Variants in NTM observed in about 807,000 individuals in gnomAD.
NTM encodes the protein neurotrimin, also known as IgLON family member 2.
NTM carries 13 observed loss-of-function variants against 42.1 expected under a neutral mutation model. That is an observed-to-expected ratio of 0.31 (90% CI 0.20 to 0.49). The LOEUF (loss-of-function observed/expected upper bound fraction) is 0.49, where lower values mean the gene tolerates loss of function less well. Ranked by LOEUF, NTM falls within the 20% of genes least tolerant of loss-of-function variation. The pLI is 0.99. For synonymous variants in NTM, 187 were observed against 179.2 expected (o/e 1.04, Z -0.35); for missense variants, 373 against 452.8 (o/e 0.82, Z 1.60).
At chr11:131,643,748 G>A (rs574754181) in intron 1 of NTM, among the ~76,000 whole-genome samples, 12 of 152,248 alleles carry the variant, frequency 7.9e-5, no homozygotes, top group African/African-American at 2.4e-4. Flanking sequence ...GTGCAGAAAC[G>A]TGTGCTGCCA....
At chr11:132,104,779 C>G (rs1016942630) in intron 2 of NTM, among the ~76,000 whole-genome samples, 1 of 148,956 alleles carries the variant, frequency 6.7e-6, no homozygotes, top group Non-Finnish European at 1.5e-5. Context: ...GTGGTACATG[C>G]CTGTAGTTCC....
chr11:132,138,606 C>CTATCTA (rs1555280030), intron 2 of NTM, among the ~76,000 whole-genome samples: 20 of 58,444 alleles, frequency 3.4e-4, no homozygotes, highest in African/African-American at 8.2e-4. Context: ...ATCTATCTAT[C>CTATCTA]TATCTATCTA....
At chr11:131,497,850 T>C (rs2136337831) in intron 1 of NTM, among the ~76,000 whole-genome samples, 1 of 152,278 alleles carries the variant, frequency 6.6e-6, no homozygotes, top group Non-Finnish European at 1.5e-5. Context: ...CTGTCCTTAG[T>C]CATCCTTAGT....
intron 2 of NTM, among the ~76,000 whole-genome samples, chr11:132,124,991 C>T (rs2136977928): frequency 6.6e-6 from 1 of 152,246 alleles, no homozygotes; most frequent in South Asian, 2.1e-4. Flanking sequence ...GCATGACATC[C>T]ATCTCCAAAT....
chr11:132,289,471 C>T (rs566749384), intron 4 of NTM, among the ~76,000 whole-genome samples: 5 of 152,224 alleles, frequency 3.3e-5, no homozygotes, highest in South Asian at 4.1e-4. Context: ...TCCTTCTCTC[C>T]GTGATTTCCC....
At chr11:132,161,729 C>T (rs192948755) in intron 3 of NTM, among the ~76,000 whole-genome samples, 1 of 152,176 alleles carries the variant, frequency 6.6e-6, no homozygotes, top group Non-Finnish European at 1.5e-5. Flanking sequence ...CAGCCCTGTG[C>T]ACCCAGACTG....
intron 1 of NTM, among the ~76,000 whole-genome samples, chr11:131,439,301 G>A (rs1949407870): frequency 6.6e-6 from 1 of 152,196 alleles, no homozygotes; most frequent in African/African-American, 2.4e-5. Flanking sequence ...CGTTCTCCAA[G>A]CTCAAACACC....
chr11:132,008,935 G>A (rs55682898), intron 2 of NTM, among the ~76,000 whole-genome samples: 1,522 of 151,058 alleles, frequency 0.01, 21 homozygotes, highest in African/African-American at 0.033. Context: ...GCGAATGAAG[G>A]TAACAAAATG....
intron 1 of NTM, among the ~76,000 whole-genome samples, chr11:131,544,615 CATCTT>C (rs1181831317): frequency 6.6e-6 from 1 of 152,180 alleles, no homozygotes; most frequent in Non-Finnish European, 1.5e-5. Flanking sequence ...TAGGATATCT[CATCTT>C]GGAATGTTTT....
chr11:131,710,080 G>A (rs2076966396), intron 1 of NTM, among the ~76,000 whole-genome samples: 3 of 152,162 alleles, frequency 2.0e-5, no homozygotes, highest in Admixed American at 2.0e-4. Context: ...CAATGTGAGT[G>A]CACTGGTGGG....
chr11:131,449,255 G>C (rs991807956), intron 1 of NTM, among the ~76,000 whole-genome samples: 1 of 152,194 alleles, frequency 6.6e-6, no homozygotes, highest in Non-Finnish European at 1.5e-5. Context: ...GGGGACTGCT[G>C]GCTGTAGGCG....
intron 1 of NTM, among the ~76,000 whole-genome samples, chr11:131,725,895 GCCT>G (rs2078909475): frequency 6.6e-6 from 1 of 152,138 alleles, no homozygotes; most frequent in South Asian, 2.1e-4. Flanking sequence ...GAGTGTTGAG[GCCT>G]CTCGCTAGAT....
At chr11:131,712,434 C>A (rs1432264094) in intron 1 of NTM, among the ~76,000 whole-genome samples, 2 of 151,974 alleles carry the variant, frequency 1.3e-5, no homozygotes, top group Non-Finnish European at 2.9e-5. Context: ...TATACATACA[C>A]TAGAGATAAA....
intron 1 of NTM, among the ~76,000 whole-genome samples, chr11:131,903,957 GACAA>G (rs371693884): frequency 9.2e-5 from 14 of 151,498 alleles, no homozygotes; most frequent in Admixed American, 1.3e-4. Context: ...TTTGTTTTTT[GACAA>G]ACAAAGGAGC....
chr11:131,488,169 C>T (rs1299373858), intron 1 of NTM, among the ~76,000 whole-genome samples: 1 of 152,182 alleles, frequency 6.6e-6, no homozygotes, highest in Non-Finnish European at 1.5e-5. Context: ...CTTCAAAATA[C>T]TCCACCCCAA....
At chr11:131,438,936 T>C (rs1949371387) in intron 1 of NTM, among the ~76,000 whole-genome samples, 1 of 152,214 alleles carries the variant, frequency 6.6e-6, no homozygotes, top group Non-Finnish European at 1.5e-5. Flanking sequence ...CTACCTTTAC[T>C]CTTTGATGAT....
intron 1 of NTM, among the ~76,000 whole-genome samples, chr11:131,854,416 T>C (rs2045904213): frequency 6.6e-6 from 1 of 152,234 alleles, no homozygotes; most frequent in Non-Finnish European, 1.5e-5. Flanking sequence ...AGCTGGGGAA[T>C]TCGCATGGTG....
At chr11:131,854,614 C>T (rs1275835339) in intron 1 of NTM, among the ~76,000 whole-genome samples, 1 of 151,998 alleles carries the variant, frequency 6.6e-6, no homozygotes, top group Non-Finnish European at 1.5e-5. Context: ...TGCTTGGAGC[C>T]CAGTGTGGGA....
chr11:131,871,782 T>A (rs1228795436), intron 1 of NTM, among the ~76,000 whole-genome samples: 1 of 152,076 alleles, frequency 6.6e-6, no homozygotes, highest in Non-Finnish European at 1.5e-5. Context: ...CCTGGGGAAG[T>A]CTTTCTTCCT....
Sources: gnomAD v4.1 joint callset for allele counts (sites outside exome capture counted in the v4.1 genomes callset) on GRCh38, gnomAD v4.1.1 for gene constraint, MANE v1.5 for transcripts, NCBI Gene and HGNC (gene_info 2026-07-23, HGNC 2026-07-21) for gene names.